Variants in OLA1 observed in about 807,000 individuals in gnomAD.
OLA1 encodes the protein Obg like ATPase 1.
A neutral mutation model predicts 48.4 loss-of-function variants in OLA1; 14 were observed. The ratio of observed to expected loss-of-function variants is 0.29; its 90% CI spans 0.19 to 0.45. The LOEUF is 0.45. Among genes scored for constraint, OLA1 ranks in the 20% least tolerant of loss-of-function variants. The pLI is 1.00. For missense variants in OLA1, 325 were observed against 467.1 expected (o/e 0.70, Z 2.80); for synonymous variants, 127 against 150.4 (o/e 0.84, Z 1.14).
chr2:174,162,275 T>C (rs1687028022), intron 4 of OLA1, among the ~76,000 whole-genome samples: 1 of 152,088 alleles, frequency 6.6e-6, no homozygotes, highest in East Asian at 1.9e-4. Flanking sequence ...AAAATGGAAT[T>C]CCCAGGAAGG....
At chr2:174,192,002 A>G (rs1163493478) in intron 4 of OLA1, among the ~76,000 whole-genome samples, 1 of 152,162 alleles carries the variant, frequency 6.6e-6, no homozygotes, top group Non-Finnish European at 1.5e-5. Flanking sequence ...ACTAAAATCT[A>G]CCATCTTGCT....
chr2:174,137,398 T>C (rs553833293), intron 5 of OLA1, among the ~76,000 whole-genome samples: 5 of 152,322 alleles, frequency 3.3e-5, no homozygotes, highest in Non-Finnish European at 7.3e-5. Flanking sequence ...TCGCAAAGGC[T>C]CTAGGATTTT....
intron 4 of OLA1, among the ~76,000 whole-genome samples, chr2:174,145,408 C>T (rs1055852713): frequency 6.6e-5 from 10 of 152,074 alleles, no homozygotes; most frequent in African/African-American, 2.4e-4. Flanking sequence ...GTTATTTCAA[C>T]TTCACATGAA....
intron 7 of OLA1, among the ~76,000 whole-genome samples, chr2:174,111,824 CAAAT>C (rs1414956892): frequency 6.6e-6 from 1 of 152,008 alleles, no homozygotes; most frequent in African/African-American, 2.4e-5. Context: ...AACAAATACA[CAAAT>C]AAAACAAGTG....
chr2:174,121,352 G>A (rs1181182647), intron 7 of OLA1, among the ~76,000 whole-genome samples: 2 of 152,120 alleles, frequency 1.3e-5, no homozygotes, highest in Admixed American at 1.3e-4. Flanking sequence ...GATGCACAGG[G>A]GGTAGTCAAT....
intron 5 of OLA1, among the ~76,000 whole-genome samples, chr2:174,132,176 T>G (rs914740159): frequency 5.9e-5 from 9 of 152,118 alleles, no homozygotes; most frequent in African/African-American, 2.2e-4. Flanking sequence ...AGTAGCCTAT[T>G]GATGTCTACA....
intron 4 of OLA1, chr2:174,172,344 G>A: frequency 2.5e-5 from 1 of 40,492 alleles, no homozygotes. Context: ...TGAGAGTGGC[G>A]AAAAGAGTGC....
intron 4 of OLA1, among the ~76,000 whole-genome samples, chr2:174,210,482 TC>T (rs1378157656): frequency 6.6e-6 from 1 of 152,168 alleles, no homozygotes; most frequent in African/African-American, 2.4e-5. Context: ...ATTTGTTTGG[TC>T]ATTTATAATC....
At chr2:174,214,410 T>C (rs140461174) in intron 4 of OLA1, among the ~76,000 whole-genome samples, 4 of 152,330 alleles carry the variant, frequency 2.6e-5, no homozygotes, top group African/African-American at 9.6e-5. Flanking sequence ...TAAGTTGCAC[T>C]TAGTAGTTTG....
intron 7 of OLA1, among the ~76,000 whole-genome samples, chr2:174,087,061 T>C (rs1240202383): frequency 1.3e-5 from 2 of 151,160 alleles, no homozygotes; most frequent in African/African-American, 2.4e-5. Flanking sequence ...AAAGTCTCGC[T>C]CTGTCGCCAG....
chr2:174,159,787 A>G (rs960549753), intron 4 of OLA1, among the ~76,000 whole-genome samples: 5 of 136,750 alleles, frequency 3.7e-5, no homozygotes, highest in African/African-American at 1.4e-4. Context: ...GAGAACATCC[A>G]ACAAAATGAC....
intron 4 of OLA1, among the ~76,000 whole-genome samples, chr2:174,151,867 G>C (rs939251017): frequency 6.6e-6 from 1 of 152,138 alleles, no homozygotes; most frequent in Non-Finnish European, 1.5e-5. Context: ...ATGTGAACGG[G>C]ACGAGGGACG....
At chr2:174,140,851 T>TG (rs1574504249) in intron 5 of OLA1, among the ~76,000 whole-genome samples, 1 of 152,204 alleles carries the variant, frequency 6.6e-6, no homozygotes, top group African/African-American at 2.4e-5. Context: ...CTCTTGCCAA[T>TG]GGGGGTAACC....
chr2:174,185,815 C>G (rs530651428), intron 4 of OLA1, among the ~76,000 whole-genome samples: 1 of 152,024 alleles, frequency 6.6e-6, no homozygotes, highest in East Asian at 1.9e-4. Context: ...GTAGTCCTAG[C>G]TACTTGGGAG....
Position 174,097,783 on chromosome 2 carries a change from C to T in OLA1, c.729-15719G>A, listed in dbSNP as rs183692791. ...TGCAAGGGAAAGATAAATGTGGATG[C>T]GTATGACAGAACCCACTTGCACAGA... On this transcript the variant is annotated intron_variant, in intron 7 of 10. Transcript: ENST00000284719. Among the ~76,000 whole-genome samples, 87 of 151,990 alleles carry T rather than the reference C, an allele frequency of 5.7e-4. 1 individual carries two copies. The highest frequency in any genetic ancestry group is 1.5e-3 in the African/African-American group (63 of 41,490).
chr2:174,077,321 TATACATAC>T (rs34621038), intron 10 of OLA1, among the ~76,000 whole-genome samples: 1,943 of 150,754 alleles, frequency 0.013, 21 homozygotes, highest in Middle Eastern at 0.048. Context: ...TAGAAATACA[TATACATAC>T]ATACATACAT....
intron 2 of OLA1, among the ~76,000 whole-genome samples, chr2:174,239,879 G>A (rs927164817): frequency 6.6e-6 from 1 of 151,206 alleles, no homozygotes. Flanking sequence ...GGATGACAGA[G>A]CGAGACTCTA....
At chr2:174,082,148 A>T (rs1684870506) in intron 7 of OLA1, 84 bp from the exon 8 acceptor site, 1 of 1,428,610 alleles carries the variant, frequency 7.0e-7, no homozygotes, top group East Asian at 2.3e-5. Context: ...GCACATACAT[A>T]TTCATAAGAA....
intron 4 of OLA1, among the ~76,000 whole-genome samples, chr2:174,188,965 T>C (rs910111529): frequency 3.3e-5 from 5 of 152,206 alleles, no homozygotes; most frequent in Non-Finnish European, 5.9e-5. Flanking sequence ...TATATTACTA[T>C]ATCTTAATTA....
Sources: gnomAD v4.1 joint callset for allele counts (sites outside exome capture counted in the v4.1 genomes callset) on GRCh38, gnomAD v4.1.1 for gene constraint, MANE v1.5 for transcripts, NCBI Gene and HGNC (gene_info 2026-07-23, HGNC 2026-07-21) for gene names.